The following SLC26A7 variants were observed in gnomAD, a reference collection of about 807,000 sequenced individuals.
The protein encoded by SLC26A7 is anion exchange transporter.
Under a neutral mutation model 82.5 loss-of-function variants are expected in SLC26A7, and 59 were observed. The ratio of observed to expected loss-of-function variants is 0.72; its 90% CI spans 0.58 to 0.89. The LOEUF is 0.89. SLC26A7 is among the 40% of genes least tolerant of loss of function. The probability of loss-of-function intolerance (pLI) is 0.00; values close to 1 mark genes in which losing one functional copy is unlikely to be tolerated. For missense variants in SLC26A7, 820 were observed against 793.0 expected (o/e 1.03, Z -0.41); for synonymous variants, 271 against 274.3 (o/e 0.99, Z 0.12).
In SLC26A7 at chr8:91,303,733, C is replaced by T. The variant is rs1812229676; in HGVS notation, c.477+8030C>T. On this transcript the variant is annotated intron_variant, in intron 4 of 18. Transcript: ENST00000276609. ...CAATTACTTTTGGTGTTGTGCTAAA[C>T]ATTTTCTTGCAAGTTTTAAATAAGA... Among the ~76,000 whole-genome samples the T allele has an allele frequency of 2.0e-5, 3 of 152,156 alleles. No homozygotes were observed. In the South Asian group the frequency reaches 6.2e-4, roughly 31 times the overall value.
At chr8:91,264,840 A>G (rs1010205224) in intron 2 of SLC26A7, among the ~76,000 whole-genome samples, 2 of 152,090 alleles carry the variant, frequency 1.3e-5, no homozygotes, top group Non-Finnish European at 2.9e-5. Flanking sequence ...TAATGATCAA[A>G]TCAAGGTAGT....
intron 5 of SLC26A7, among the ~76,000 whole-genome samples, chr8:91,322,557 A>G (rs1403530839): frequency 6.6e-6 from 1 of 152,208 alleles, no homozygotes; most frequent in Non-Finnish European, 1.5e-5. Context: ...GTATCTTTTT[A>G]TCAGAAAGGA....
chr8:91,361,091 C>G (rs777022654), intron 11 of SLC26A7, among the ~76,000 whole-genome samples: 1 of 152,054 alleles, frequency 6.6e-6, no homozygotes, highest in African/African-American at 2.4e-5. Context: ...ATTGTATTCT[C>G]TCTTTTACTC....
At chr8:91,237,437 C>A (rs369992366) in intron 2 of SLC26A7, among the ~76,000 whole-genome samples, 1 of 152,278 alleles carries the variant, frequency 6.6e-6, no homozygotes, top group East Asian at 1.9e-4. Context: ...ACAAAAAACT[C>A]AATTTCTTTC....
At chr8:91,356,294 G>A (rs1017808244) in intron 11 of SLC26A7, among the ~76,000 whole-genome samples, 1 of 152,154 alleles carries the variant, frequency 6.6e-6, no homozygotes, top group Non-Finnish European at 1.5e-5. Flanking sequence ...GATCTCTGAG[G>A]AATCTCCACA....
chr8:91,363,399 C>T, intron 12 of SLC26A7, 73 bp from the exon 13 acceptor site: 2 of 877,078 alleles, frequency 2.3e-6, no homozygotes, highest in South Asian at 3.1e-5. Flanking sequence ...TAAATGACTA[C>T]TTTTGGTTTC....
intron 13 of SLC26A7, among the ~76,000 whole-genome samples, chr8:91,364,950 A>G (rs1211508262): frequency 6.6e-6 from 1 of 152,206 alleles, no homozygotes; most frequent in Non-Finnish European, 1.5e-5. Context: ...GGAGAAAACT[A>G]AGATAAAGCA....
chr8:91,335,291 G>A lies in SLC26A7; in HGVS notation c.795+844G>A, dbSNP rs574577405. Among the ~76,000 whole-genome samples the A allele has an allele frequency of 2.0e-5, 3 of 152,200 alleles. 1 individual carries two copies. In the South Asian group the frequency reaches 6.2e-4, roughly 32 times the overall value. On this transcript the variant is annotated intron_variant, in intron 6 of 18. Coordinates refer to ENST00000276609, the MANE Select transcript of SLC26A7 (RefSeq NM_052832.4). ...CATTGCAATTGACTATTAAGGCTAC[G>A]ACTCATTTCTATACAACTAATAAGA...
upstream of SLC26A7, among the ~76,000 whole-genome samples, chr8:91,244,602 C>T (rs182024755): frequency 6.2e-3 from 939 of 151,880 alleles, 7 homozygotes; most frequent in Non-Finnish European, 8.4e-3. Flanking sequence ...CTCCTGAGTT[C>T]AAGTGATCCT....
chr8:91,237,979 T>C (rs1810414949), intron 2 of SLC26A7, among the ~76,000 whole-genome samples: 1 of 152,184 alleles, frequency 6.6e-6, no homozygotes, highest in Non-Finnish European at 1.5e-5. Context: ...AGATTCCCAT[T>C]CTCATCTCTC....
At chr8:91,328,246 G>C (rs1294931570) in intron 5 of SLC26A7, among the ~76,000 whole-genome samples, 2 of 152,092 alleles carry the variant, frequency 1.3e-5, no homozygotes, top group Admixed American at 1.3e-4. Context: ...TGTGCAATGA[G>C]AATTCAATAG....
chr8:91,303,159 A>G (rs1586384635), intron 4 of SLC26A7, among the ~76,000 whole-genome samples: 1 of 152,328 alleles, frequency 6.6e-6, no homozygotes, highest in East Asian at 1.9e-4. Context: ...TTGCTAGCAC[A>G]CTCACAGTAA....
chr8:91,364,424 TTA>T (rs1184049113), intron 13 of SLC26A7, among the ~76,000 whole-genome samples: 2 of 152,188 alleles, frequency 1.3e-5, no homozygotes, highest in African/African-American at 2.4e-5. Flanking sequence ...AGGGAATGGC[TTA>T]TGTTTTTAAT....
intron 3 of SLC26A7, among the ~76,000 whole-genome samples, chr8:91,292,705 G>T (rs1811906181): frequency 6.6e-6 from 1 of 151,228 alleles, no homozygotes; most frequent in African/African-American, 2.4e-5. Flanking sequence ...TCAACAATGT[G>T]AACTTTCTTA....
rs1809981423 is a variant in SLC26A7, at chr8:91,213,772, G to A, written c.-150+4230G>A. ...AATAGGTGGAATTCAGATACATGGAGAAGAAAGTAAACAGAATGTTTTAGG... is the reference window on the plus strand; with the variant it reads ...AATAGGTGGAATTCAGATACATGGAAAAGAAAGTAAACAGAATGTTTTAGG... On this transcript the variant is annotated intron_variant, in intron 1 of 5. Coordinates refer to the SLC26A7 transcript ENST00000522862. Among the ~76,000 whole-genome samples the A allele has an allele frequency of 4.6e-5, 7 of 152,274 alleles. No homozygotes were observed. The South Asian group carries it at 1.5e-3, about 32-fold the overall frequency.
At chr8:91,250,419 C>T (rs1032174457) in intron 2 of SLC26A7, among the ~76,000 whole-genome samples, 1 of 152,104 alleles carries the variant, frequency 6.6e-6, no homozygotes, top group African/African-American at 2.4e-5. Flanking sequence ...ATCTATTTCT[C>T]AGTAAGATAT....
At position 91,340,403 on chromosome 8, in the gene SLC26A7, G is replaced by C; in HGVS notation, c.879-1G>C. 1 of 1,613,476 alleles carries C rather than the reference G, an allele frequency of 6.2e-7. No homozygotes were observed. Among genetic ancestry groups the C allele is most frequent in the Non-Finnish European group, 8.5e-7 (1 of 1,179,618 alleles). ...CTTCAATATGGTCCTTCTTTCCACA[G>C]AATTCCCTCACCTAGAGCTCCCCCG... On this transcript the variant is annotated splice_acceptor_variant, in intron 7 of 18. Coordinates refer to ENST00000276609, the MANE Select transcript of SLC26A7 (RefSeq NM_052832.4). LOFTEE classifies it high-confidence loss of function.
In SLC26A7 at chr8:91,314,020, A is replaced by T. The variant is rs112807927; in HGVS notation, c.478-4196A>T. On this transcript the variant is annotated intron_variant, in intron 4 of 18. Transcript: ENST00000276609. Reference sequence around the variant, plus strand: ...TATAGAAGCATTATCAAATAGTATCATGCTAGTGAATCTTGATCATGTATG... The same window carrying T: ...TATAGAAGCATTATCAAATAGTATCTTGCTAGTGAATCTTGATCATGTATG... 1.3e-3 allele frequency among the ~76,000 whole-genome samples: 202 copies of T among 152,340 alleles called. 2 individuals carry two copies. Among genetic ancestry groups the T allele is most frequent in the African/African-American group, 4.8e-3 (199 of 41,582 alleles).
intron 15 of SLC26A7, among the ~76,000 whole-genome samples, chr8:91,372,403 T>G (rs1225916901): frequency 6.6e-6 from 1 of 152,080 alleles, no homozygotes; most frequent in African/African-American, 2.4e-5. Context: ...TTGAGTTAAT[T>G]TTTGTATATG....
Sources: allele counts gnomAD v4.1 joint callset (sites outside exome capture counted in the v4.1 genomes callset), GRCh38; gene constraint gnomAD v4.1.1; transcripts MANE v1.5; gene names NCBI Gene and HGNC (gene_info 2026-07-23, HGNC 2026-07-21).